The following ZNF717 variants were observed in gnomAD, a reference collection of about 807,000 sequenced individuals.
The protein encoded by ZNF717 is zinc finger protein 717, also known as krueppel-like factor X17.
Under a neutral mutation model 13.8 loss-of-function variants are expected in ZNF717, and 9 were observed. That is an observed-to-expected ratio of 0.65 (90% CI 0.39 to 1.14). ZNF717 has a LOEUF of 1.14. Ranked by LOEUF, ZNF717 falls within the 50% of genes most tolerant of loss-of-function variation. ZNF717 has a pLI of 0.01. For missense variants in ZNF717, 1,040 were observed against 1,080.7 expected (o/e 0.96, Z 0.53); for synonymous variants, 327 against 364.1 (o/e 0.90, Z 1.16).
chr3:75,746,726 T>C (rs1326517256), intron 2 of ZNF717, among the ~76,000 whole-genome samples: 1 of 151,172 alleles, frequency 6.6e-6, no homozygotes, highest in African/African-American at 2.4e-5. Flanking sequence ...TGTTGATGGG[T>C]TTTTTCTTGT....
intron 1 of ZNF717, 96 bp downstream of exon 1, chr3:75,785,288 G>C (rs1362966440): frequency 1.3e-5 from 2 of 152,258 alleles, no homozygotes; most frequent in Non-Finnish European, 2.9e-5. Flanking sequence ...CAGGGCCACC[G>C]GCCTCGCCTA....
In ZNF717 at chr3:75,737,872, G is replaced by A; in HGVS notation, c.1751C>T (p.Thr584Ile). ...CKSFLTIHQR[T>I]HAGKKPYECN... ...TTCATAGGGTTTTTTGCCAGCATGA[G>A]TTCTCTGATGTATAGTTAGGAATGA... Residue 584 changes from threonine to isoleucine, a missense_variant, in exon 5 of 5, where the codon ACT becomes ATT. By Grantham distance (89) the Thr-to-Ile change is moderately conservative. This residue lies in a region of ZNF717 where 873 missense variants were observed against 832.8 expected (regional missense o/e 1.05). Transcript: ENST00000652011. 8 of 1,546,776 alleles carry A rather than the reference G, an allele frequency of 5.2e-6. No homozygotes were observed. Among genetic ancestry groups the A allele is most frequent in the Non-Finnish European group, 7.0e-6 (8 of 1,143,740 alleles).
At chr3:75,697,130 T>C (rs1157018437) in intron 6 of ZNF717, among the ~76,000 whole-genome samples, 2 of 152,308 alleles carry the variant, frequency 1.3e-5, no homozygotes, top group Admixed American at 1.3e-4. Context: ...ATGACAAGAA[T>C]GTCCACTTTT....
At chr3:75,705,218 C>T (rs545838105), downstream of ZNF717, among the ~76,000 whole-genome samples, 6 of 151,660 alleles carry the variant, frequency 4.0e-5, no homozygotes, top group East Asian at 9.8e-4. Flanking sequence ...TGGACTAATA[C>T]ATTACAATGT....
At chr3:75,774,591 A>G (rs62268139) in intron 2 of ZNF717, among the ~76,000 whole-genome samples, 14 of 128,490 alleles carry the variant, frequency 1.1e-4, no homozygotes, top group East Asian at 4.4e-4. Context: ...AATTGTATAG[A>G]ATTTCTAAAA....
At chr3:75,723,626 G>A (rs1229491476) in intron 4 of ZNF717, among the ~76,000 whole-genome samples, 1 of 152,200 alleles carries the variant, frequency 6.6e-6, no homozygotes, top group South Asian at 2.1e-4. Flanking sequence ...GAGCTGAAGG[G>A]ACATGGTGAG....
At chr3:75,774,200 A>AAAAAAGAAAGAAAG (rs1227599777) in intron 2 of ZNF717, among the ~76,000 whole-genome samples, 82 of 143,622 alleles carry the variant, frequency 5.7e-4, no homozygotes, top group African/African-American at 2.1e-3. Flanking sequence ...AAAAAAAAAA[A>AAAAAAGAAAGAAAG]AAAGGAAAAA....
At chr3:75,715,175 T>C (rs1184523923) in intron 5 of ZNF717, among the ~76,000 whole-genome samples, 2 of 152,242 alleles carry the variant, frequency 1.3e-5, no homozygotes, top group African/African-American at 4.8e-5. Flanking sequence ...AGAAACTTTT[T>C]TCAGCTTAAG....
At chr3:75,767,429 A>G (rs1263133192) in intron 2 of ZNF717, among the ~76,000 whole-genome samples, 2 of 152,270 alleles carry the variant, frequency 1.3e-5, no homozygotes, top group Admixed American at 1.3e-4. Context: ...TTCAGAATAG[A>G]TAACTGGAAC....
chr3:75,770,697 A>G (rs1279027993), intron 2 of ZNF717, among the ~76,000 whole-genome samples: 2 of 152,260 alleles, frequency 1.3e-5, no homozygotes, highest in East Asian at 1.9e-4. Flanking sequence ...TAGTAATACC[A>G]TACACATAAG....
intron 2 of ZNF717, 45 bp from the exon 3 acceptor site, chr3:75,741,781 T>C (rs567046901): frequency 4.5e-6 from 7 of 1,561,822 alleles, no homozygotes; most frequent in African/African-American, 1.4e-5. Flanking sequence ...ATCACGTTCC[T>C]GTACAGGGTC....
chr3:75,763,376 A>G (rs1253594935), intron 2 of ZNF717, among the ~76,000 whole-genome samples: 1 of 152,250 alleles, frequency 6.6e-6, no homozygotes, highest in African/African-American at 2.4e-5. Context: ...GAGATGCTCC[A>G]ATAAGCATTT....
downstream of ZNF717, among the ~76,000 whole-genome samples, chr3:75,734,705 G>A (rs1376863795): frequency 2.0e-3 from 240 of 118,572 alleles, no homozygotes; most frequent in Admixed American, 2.5e-3. Context: ...AAAGTCCTGG[G>A]ATTACAGGCA....
At chr3:75,755,007 G>A (rs1942343892) in intron 2 of ZNF717, among the ~76,000 whole-genome samples, 1 of 152,150 alleles carries the variant, frequency 6.6e-6, no homozygotes, top group African/African-American at 2.4e-5. Flanking sequence ...CAACATTGCA[G>A]AAACTGTGAA....
At position 75,756,867 on chromosome 3, in the gene ZNF717, G is replaced by A. The variant is rs577845917; in HGVS notation, c.58-15131C>T. Among the ~76,000 whole-genome samples the A allele has an allele frequency of 8.5e-5, 13 of 152,170 alleles. No individual in the cohort carries two copies. In the East Asian group the frequency reaches 2.5e-3, roughly 29 times the overall value. On this transcript the variant is annotated intron_variant, in intron 2 of 4. Coordinates refer to ENST00000652011, the MANE Select transcript of ZNF717 (RefSeq NM_001290208.3). ...TGTTTTGTATTTTTAGTAGAGACGGGGTTTCTCCACGTTGGTCACACTGGT... is the reference window on the plus strand; with the variant it reads ...TGTTTTGTATTTTTAGTAGAGACGGAGTTTCTCCACGTTGGTCACACTGGT...
chr3:75,759,444 T>G (rs1231693852), intron 2 of ZNF717, among the ~76,000 whole-genome samples: 2 of 151,924 alleles, frequency 1.3e-5, no homozygotes. Context: ...CCCCGCTAAT[T>G]TTTTCTATTT....
rs558477338 is a variant in ZNF717, at chr3:75,776,993, G to GCATATGGCA, written c.57+6312_57+6313insTGCCATATG. Among the ~76,000 whole-genome samples, 11 of 152,332 alleles carry GCATATGGCA rather than the reference G, an allele frequency of 7.2e-5. No homozygotes were observed. In the East Asian group the frequency reaches 2.1e-3, roughly 29 times the overall value. ...GTGGTTTGATTTACAGGGACCCTGAGTAAGGAGCATATGCCAAATTCTTGG... is the reference window on the plus strand; with the variant it reads ...GTGGTTTGATTTACAGGGACCCTGAGCATATGGCATAAGGAGCATATGCCAAATTCTTGG... On this transcript the variant is annotated intron_variant, in intron 2 of 4. Transcript: ENST00000652011.
At chr3:75,700,387 CATCG>C (rs1352906150) in intron 6 of ZNF717, among the ~76,000 whole-genome samples, 1,109 of 150,552 alleles carry the variant, frequency 7.4e-3, no homozygotes, top group African/African-American at 0.022. Context: ...AGTGAGACAC[CATCG>C]AAAAAAAAAA....
intron 2 of ZNF717, among the ~76,000 whole-genome samples, chr3:75,744,681 T>C (rs1386044013): frequency 1.3e-5 from 2 of 152,226 alleles, no homozygotes; most frequent in Non-Finnish European, 2.9e-5. Context: ...ACTGTAAAAT[T>C]GTCTCATGGA....
Sources: allele counts gnomAD v4.1 joint callset (sites outside exome capture counted in the v4.1 genomes callset), GRCh38; gene constraint gnomAD v4.1.1; regional missense constraint gnomAD v4.1.1; transcripts MANE v1.5; gene names NCBI Gene and HGNC (gene_info 2026-07-23, HGNC 2026-07-21).